The following SSH2 variants were observed in gnomAD, a reference collection of about 807,000 sequenced individuals.
SSH2 encodes protein phosphatase Slingshot homolog 2.
A neutral mutation model predicts 135.2 loss-of-function variants in SSH2; 37 were observed. The observed-to-expected ratio is 0.27, with a 90% CI of 0.21 to 0.36. The LOEUF (loss-of-function observed/expected upper bound fraction) is 0.36. Ranked by LOEUF, SSH2 falls within the 10% of genes least tolerant of loss-of-function variation. The pLI is 1.00. For missense variants in SSH2, 1,408 were observed against 1,765.3 expected (o/e 0.80, Z 3.63); for synonymous variants, 628 against 646.2 (o/e 0.97, Z 0.43).
intron 5 of SSH2, among the ~76,000 whole-genome samples, chr17:29,693,307 T>C (rs996740280): frequency 2.0e-5 from 3 of 151,840 alleles, no homozygotes; most frequent in Non-Finnish European, 2.9e-5. Flanking sequence ...TAAATAATAA[T>C]AATAACATTA....
intron 3 of SSH2, among the ~76,000 whole-genome samples, chr17:29,725,509 C>T (rs1355936740): frequency 6.6e-6 from 1 of 152,136 alleles, no homozygotes. Context: ...AAATGCCCAT[C>T]AATGATAGAC....
At chr17:29,900,481 T>C (rs1372587912) in intron 1 of SSH2, among the ~76,000 whole-genome samples, 6 of 152,062 alleles carry the variant, frequency 3.9e-5, no homozygotes, top group East Asian at 1.9e-4. Context: ...TATGAACAGA[T>C]ACTTCTCAAA....
intron 3 of SSH2, among the ~76,000 whole-genome samples, chr17:29,727,235 C>T (rs535699353): frequency 1.3e-5 from 2 of 152,296 alleles, no homozygotes; most frequent in South Asian, 4.1e-4. Flanking sequence ...AAAGAAAGTT[C>T]AGTTTCCTGA....
Position 29,676,802 on chromosome 17 carries a change from T to A in SSH2, c.614+18A>T. 6.3e-7 allele frequency: 1 copy of A among 1,595,260 alleles called. No individual in the cohort carries two copies. The highest frequency in any genetic ancestry group is 8.6e-7 in the Non-Finnish European group (1 of 1,163,206). On this transcript the variant is annotated intron_variant, in intron 8 of 15. Transcript: ENST00000540801. ...TAACATTAAAACACTTTTGTAGAGA[T>A]AGTAAAAGTCATCTTACCACATTGC...
intron 1 of SSH2, among the ~76,000 whole-genome samples, chr17:29,900,024 A>G (rs2066518291): frequency 6.6e-6 from 1 of 152,172 alleles, no homozygotes; most frequent in Non-Finnish European, 1.5e-5. Flanking sequence ...AAAAACAAGC[A>G]ATGGGGAAAG....
In SSH2 at chr17:29,636,739, T is replaced by A. The variant is rs765954589; in HGVS notation, c.1491A>T (p.Glu497Asp). The change falls in exon 15 of 16, where the codon GAA (glutamate) becomes GAT (aspartate). Residue 497 changes from glutamate (E) to aspartate (D), a missense_variant. Physicochemically the swap from Glu to Asp is conservative, Grantham distance 45. Around this residue, in one of 3 missense-constraint regions of SSH2, gnomAD observed 1,080 missense variants for 1,144.5 expected, o/e 0.94. Coordinates refer to ENST00000540801, the MANE Select transcript of SSH2 (RefSeq NM_001282129.2). ...HSDSDLSDHH[E>D]PICKPGLELN... Reference sequence around the variant, plus strand: ...GTTCTAGCCCAGGTTTGCAGATGGGTTCGTGGTGGTCTGAGAGGTCACTAT... The same window carrying A: ...GTTCTAGCCCAGGTTTGCAGATGGGATCGTGGTGGTCTGAGAGGTCACTAT... The A allele has an allele frequency of 1.9e-6, 3 of 1,614,042 alleles. No individual in the cohort carries two copies. In the Admixed American group the frequency reaches 5.0e-5, roughly 27 times the overall value.
In SSH2 at chr17:29,636,279, G is replaced by C. The variant is rs749236151; in HGVS notation, c.1951C>G (p.Pro651Ala). 7 of 1,614,144 alleles carry C rather than the reference G, an allele frequency of 4.3e-6. No individual in the cohort carries two copies. Among genetic ancestry groups the C allele is most frequent in the Non-Finnish European group, 1.7e-6 (2 of 1,180,018 alleles). The change falls in exon 15 of 16, where the codon CCC becomes GCC. Residue 651 changes from proline to alanine, a missense_variant. Pro to Ala is a conservative substitution (Grantham distance 27). Around this residue, in one of 3 missense-constraint regions of SSH2, gnomAD observed 1,080 missense variants for 1,144.5 expected, o/e 0.94. Transcript: ENST00000540801. ...EELTSPLKDP[P>A]MSPDPESPSP... ...GGTGACTCAGGATCAGGGGACATGG[G>C]GGGGTCTTTCAGTGGAGATGTCAAT...
At chr17:29,746,780 T>C (rs757143615) in intron 3 of SSH2, among the ~76,000 whole-genome samples, 11 of 152,132 alleles carry the variant, frequency 7.2e-5, no homozygotes, top group Non-Finnish European at 1.5e-4. Flanking sequence ...TTAGCCCTCA[T>C]GGAGACTAAC....
intron 1 of SSH2, among the ~76,000 whole-genome samples, chr17:29,915,110 T>C (rs1364454808): frequency 6.6e-6 from 1 of 152,178 alleles, no homozygotes. Flanking sequence ...CACAGAAAAC[T>C]CAGTGTCATT....
chr17:29,823,034 G>A (rs1309202000), intron 2 of SSH2, among the ~76,000 whole-genome samples: 1 of 151,766 alleles, frequency 6.6e-6, no homozygotes, highest in Non-Finnish European at 1.5e-5. Context: ...GAACAGTTGT[G>A]AAAAAATAAA....
At chr17:29,808,273 C>CAT (rs1489616394) in intron 2 of SSH2, among the ~76,000 whole-genome samples, 2 of 152,186 alleles carry the variant, frequency 1.3e-5, no homozygotes. Context: ...GGATTACAGG[C>CAT]GCCCGCCATC....
chr17:29,779,571 A>C (rs1021137460), intron 3 of SSH2, among the ~76,000 whole-genome samples: 2 of 152,016 alleles, frequency 1.3e-5, no homozygotes, highest in East Asian at 3.9e-4. Flanking sequence ...TGGGCATGGT[A>C]GTTTACGCCT....
At chr17:29,696,884 C>A (rs542754655) in intron 4 of SSH2, among the ~76,000 whole-genome samples, 1 of 151,678 alleles carries the variant, frequency 6.6e-6, no homozygotes, top group African/African-American at 2.4e-5. Context: ...TGGGGTTTCA[C>A]CGTGTTAGCC....
At chr17:29,679,374 T>TA (rs2151065352) in intron 6 of SSH2, among the ~76,000 whole-genome samples, 1 of 152,204 alleles carries the variant, frequency 6.6e-6, no homozygotes, top group East Asian at 1.9e-4. Context: ...TTTCTTGCAC[T>TA]AACTGTATAA....
chr17:29,757,022 T>TC (rs1364263049), intron 3 of SSH2, among the ~76,000 whole-genome samples: 1 of 152,178 alleles, frequency 6.6e-6, no homozygotes, highest in African/African-American at 2.4e-5. Context: ...AAAGCTCTTT[T>TC]GAGAGGGTTC....
chr17:29,830,039 C>T (rs1964152281), intron 2 of SSH2, among the ~76,000 whole-genome samples: 2 of 152,038 alleles, frequency 1.3e-5, no homozygotes, highest in South Asian at 4.1e-4. Flanking sequence ...TGGGGTTTCA[C>T]TGTGTTAGCC....
At chr17:29,658,735 C>T (rs570531615) in intron 11 of SSH2, among the ~76,000 whole-genome samples, 7 of 151,994 alleles carry the variant, frequency 4.6e-5, no homozygotes, top group African/African-American at 1.4e-4. Flanking sequence ...GGTGTGGTGA[C>T]GCATGCCTGT....
intron 5 of SSH2, among the ~76,000 whole-genome samples, chr17:29,689,161 A>G (rs906889411): frequency 6.6e-6 from 1 of 152,040 alleles, no homozygotes; most frequent in Non-Finnish European, 1.5e-5. Flanking sequence ...GACTCTCAAA[A>G]AAAAAAAAAA....
At chr17:29,701,730 C>T (rs1320166785) in intron 4 of SSH2, among the ~76,000 whole-genome samples, 1 of 151,494 alleles carries the variant, frequency 6.6e-6, no homozygotes, top group Non-Finnish European at 1.5e-5. Flanking sequence ...ACCACTACGC[C>T]CAGCTAATTT....
Sources: gnomAD v4.1 joint callset for allele counts (sites outside exome capture counted in the v4.1 genomes callset) on GRCh38, gnomAD v4.1.1 for gene constraint, gnomAD v4.1.1 regional missense constraint, MANE v1.5 for transcripts, NCBI Gene and HGNC (gene_info 2026-07-23, HGNC 2026-07-21) for gene names.